CCDC170: variants seen among roughly 807,000 people sequenced by gnomAD.
CCDC170 encodes the protein coiled-coil domain-containing protein 170.
In CCDC170, 69 loss-of-function variants were observed where a neutral mutation model predicts 72.6. That is an observed-to-expected ratio of 0.95 (90% CI 0.78 to 1.16). CCDC170 has a LOEUF of 1.16. CCDC170 is among the 50% of genes most tolerant of loss of function. The pLI, the probability that CCDC170 is intolerant of heterozygous loss-of-function variation, is 0.00. For missense variants in CCDC170, 852 were observed against 832.5 expected (o/e 1.02, Z -0.29); for synonymous variants, 300 against 303.9 (o/e 0.99, Z 0.13).
intron 5 of CCDC170, among the ~76,000 whole-genome samples, chr6:151,549,428 T>C (rs1156490764): frequency 2.0e-5 from 3 of 152,178 alleles, no homozygotes; most frequent in Admixed American, 1.3e-4. Flanking sequence ...AATTATAGGA[T>C]CTTAAAAAGT....
At chr6:151,537,250 T>A (rs1285372874) in intron 2 of CCDC170, among the ~76,000 whole-genome samples, 1 of 152,158 alleles carries the variant, frequency 6.6e-6, no homozygotes, top group Non-Finnish European at 1.5e-5. Context: ...TCATTCTGCT[T>A]ATAGCCTGGT....
intron 5 of CCDC170, 35 bp downstream of exon 5, chr6:151,548,524 C>G (rs374638370): frequency 6.9e-7 from 1 of 1,444,058 alleles, no homozygotes; most frequent in African/African-American, 1.4e-5. Flanking sequence ...GCATCTGGGA[C>G]CATGTTGAAG....
At chr6:151,526,695 G>A (rs1009902092) in intron 1 of CCDC170, among the ~76,000 whole-genome samples, 1 of 151,318 alleles carries the variant, frequency 6.6e-6, no homozygotes, top group Non-Finnish European at 1.5e-5. Context: ...CTTGTTTTCT[G>A]TCCAGCAATA....
At chr6:151,566,476 G>T (rs112992429) in intron 5 of CCDC170, among the ~76,000 whole-genome samples, 24 of 150,764 alleles carry the variant, frequency 1.6e-4, no homozygotes, top group Middle Eastern at 3.4e-3. Flanking sequence ...ACAATAAAAT[G>T]AATTAATAGA....
At chr6:151,513,782 T>C (rs1227338777) in intron 1 of CCDC170, among the ~76,000 whole-genome samples, 2 of 151,578 alleles carry the variant, frequency 1.3e-5, no homozygotes, top group Middle Eastern at 6.9e-3. Context: ...AGCTAGGCAG[T>C]AGTGGCATTC....
At chr6:151,503,314 G>A (rs12173791) in intron 1 of CCDC170, among the ~76,000 whole-genome samples, 20,580 of 152,034 alleles carry the variant, frequency 0.14, 1,800 homozygotes, top group East Asian at 0.38. Flanking sequence ...AATGGGGTGA[G>A]GGCTAAAGTC....
chr6:151,609,470 A>G (rs1237781329), intron 9 of CCDC170, among the ~76,000 whole-genome samples: 1 of 152,190 alleles, frequency 6.6e-6, no homozygotes, highest in Non-Finnish European at 1.5e-5. Flanking sequence ...TTTGGCCCTT[A>G]TAACATGAGA....
chr6:151,551,324 T>G (rs1782875165), intron 5 of CCDC170, among the ~76,000 whole-genome samples: 2 of 152,208 alleles, frequency 1.3e-5, no homozygotes, highest in African/African-American at 4.8e-5. Flanking sequence ...GACATTGCCC[T>G]ATGTAACCAC....
rs1371121204 is a variant in CCDC170, at chr6:151,509,238, C to CTATG, written c.57+15056_57+15057insGTAT. ...TCTATCTATGTATCTATCTATCTAT[C>CTATG]TATCTATCTATCTATCTATCTATGA... On this transcript the variant is annotated intron_variant, in intron 1 of 10. Coordinates refer to ENST00000239374, the MANE Select transcript of CCDC170 (RefSeq NM_025059.4). Among the ~76,000 whole-genome samples the CTATG allele has an allele frequency of 6.6e-5, 10 of 151,622 alleles. No individual in the cohort carries two copies. In the East Asian group the frequency reaches 1.7e-3, roughly 26 times the overall value.
intron 5 of CCDC170, among the ~76,000 whole-genome samples, chr6:151,564,557 A>G (rs1291160471): frequency 6.6e-6 from 1 of 152,056 alleles, no homozygotes; most frequent in Non-Finnish European, 1.5e-5. Flanking sequence ...CAGTTGTGGG[A>G]CAATGCTTTG....
At chr6:151,598,889 C>G (rs1776663436) in intron 9 of CCDC170, among the ~76,000 whole-genome samples, 2 of 152,196 alleles carry the variant, frequency 1.3e-5, no homozygotes, top group Admixed American at 1.3e-4. Context: ...GCACCAGCTG[C>G]TCCTGATTGT....
At chr6:151,557,944 CA>C (rs1783010181) in intron 5 of CCDC170, among the ~76,000 whole-genome samples, 1 of 152,126 alleles carries the variant, frequency 6.6e-6, no homozygotes, top group Non-Finnish European at 1.5e-5. Context: ...GCTGAAAACA[CA>C]AAAAATCAGC....
chr6:151,587,564 C>G (rs570696457), intron 7 of CCDC170, among the ~76,000 whole-genome samples: 1 of 152,286 alleles, frequency 6.6e-6, no homozygotes, highest in East Asian at 1.9e-4. Context: ...AACATGTACA[C>G]TCAAGTAACA....
At chr6:151,607,544 G>A (rs1371512010) in intron 9 of CCDC170, among the ~76,000 whole-genome samples, 1 of 151,964 alleles carries the variant, frequency 6.6e-6, no homozygotes, top group Non-Finnish European at 1.5e-5. Flanking sequence ...ATTTCTTCTT[G>A]CGCTTGTCTA....
chr6:151,508,253 A>G (rs142860504), intron 1 of CCDC170, among the ~76,000 whole-genome samples: 1 of 152,288 alleles, frequency 6.6e-6, no homozygotes, highest in East Asian at 1.9e-4. Context: ...AAAATATTAC[A>G]TCTGCTGGGC....
At chr6:151,544,147 G>C (rs1284717155) in intron 3 of CCDC170, among the ~76,000 whole-genome samples, 1 of 152,126 alleles carries the variant, frequency 6.6e-6, no homozygotes, top group Admixed American at 6.6e-5. Context: ...TGTAAAGTTT[G>C]AAAATAAAAT....
At chr6:151,528,766 AG>A (rs200879734) in intron 1 of CCDC170, among the ~76,000 whole-genome samples, 2,396 of 152,202 alleles carry the variant, frequency 0.016, 62 homozygotes, top group African/African-American at 0.055. Flanking sequence ...TGAATACAGG[AG>A]GTAGAGGTTG....
chr6:151,510,997 A>T (rs1208312634), intron 1 of CCDC170, among the ~76,000 whole-genome samples: 1 of 152,250 alleles, frequency 6.6e-6, no homozygotes, highest in African/African-American at 2.4e-5. Flanking sequence ...CGGCCTCCCA[A>T]AGTGCTGGGA....
chr6:151,546,082 A>G (rs1417545742), intron 4 of CCDC170, among the ~76,000 whole-genome samples: 1 of 152,118 alleles, frequency 6.6e-6, no homozygotes, highest in Non-Finnish European at 1.5e-5. Flanking sequence ...CTGGCCTATC[A>G]TGCAGCCATT....
Sources: allele counts gnomAD v4.1 joint callset (sites outside exome capture counted in the v4.1 genomes callset), GRCh38; gene constraint gnomAD v4.1.1; transcripts MANE v1.5; gene names NCBI Gene and HGNC (gene_info 2026-07-23, HGNC 2026-07-21).